Variants in KIAA1328 observed in about 807,000 individuals in gnomAD.
KIAA1328 encodes KIAA1328.
In KIAA1328, 52 loss-of-function variants were observed where a neutral mutation model predicts 68.1. The observed-to-expected ratio is 0.76, with a 90% confidence interval of 0.61 to 0.96. The LOEUF (loss-of-function observed/expected upper bound fraction) is 0.96, where lower values mean the gene tolerates loss of function less well. KIAA1328 is among the 40% of genes least tolerant of loss of function. KIAA1328 has a pLI of 0.00. For missense variants in KIAA1328, 641 were observed against 677.6 expected (o/e 0.95, Z 0.60); for synonymous variants, 232 against 239.4 (o/e 0.97, Z 0.28).
rs562524219 is a variant in KIAA1328, at chr18:36,845,414, G to A, written c.332+1112G>A. ...AGGAGTTATTAAATATGTTTTGATG[G>A]TATTGAAAAGCTATTGCTATTTGTT... On this transcript the variant is annotated intron_variant, in intron 4 of 9. Coordinates refer to ENST00000280020, the MANE Select transcript of KIAA1328 (RefSeq NM_020776.3). 2.0e-5 allele frequency among the ~76,000 whole-genome samples: 3 copies of A among 151,714 alleles called. No homozygotes were observed. The East Asian group carries it at 5.8e-4, about 29-fold the overall frequency.
chr18:37,066,184 T>C (rs1214309660), intron 6 of KIAA1328, among the ~76,000 whole-genome samples: 1 of 152,252 alleles, frequency 6.6e-6, no homozygotes, highest in Non-Finnish European at 1.5e-5. Context: ...ACAGCTAAAA[T>C]GTTGGAAAAT....
intron 7 of KIAA1328, among the ~76,000 whole-genome samples, chr18:37,093,571 A>C (rs866485352): frequency 1.3e-5 from 2 of 152,176 alleles, no homozygotes; most frequent in African/African-American, 2.4e-5. Context: ...CTGAACTTGA[A>C]AACTGTCATT....
At chr18:37,038,004 G>A (rs2055095583) in intron 6 of KIAA1328, among the ~76,000 whole-genome samples, 1 of 152,166 alleles carries the variant, frequency 6.6e-6, no homozygotes, top group African/African-American at 2.4e-5. Context: ...GGGAGGCTGA[G>A]GCAGCAGAAT....
intron 4 of KIAA1328, among the ~76,000 whole-genome samples, chr18:36,850,826 TG>T (rs1466642249): frequency 6.6e-6 from 1 of 152,224 alleles, no homozygotes. Context: ...CTTGCCTTAG[TG>T]CTCTGCCTAG....
chr18:36,969,768 TC>T (rs2151312595), intron 6 of KIAA1328, among the ~76,000 whole-genome samples: 1 of 152,258 alleles, frequency 6.6e-6, no homozygotes, highest in Non-Finnish European at 1.5e-5. Context: ...TAAGGACTCC[TC>T]CCTAACTCTT....
At chr18:37,129,673 A>G (rs1363698588) in intron 7 of KIAA1328, among the ~76,000 whole-genome samples, 4 of 152,170 alleles carry the variant, frequency 2.6e-5, no homozygotes, top group African/African-American at 9.7e-5. Context: ...AGCCACCCTA[A>G]TTTCTTCAAT....
intron 7 of KIAA1328, among the ~76,000 whole-genome samples, chr18:37,148,998 C>G (rs1009796268): frequency 3.3e-5 from 5 of 152,098 alleles, no homozygotes; most frequent in Non-Finnish European, 5.9e-5. Context: ...AATGGTCATA[C>G]TACCCAAAGT....
intron 9 of KIAA1328, among the ~76,000 whole-genome samples, chr18:37,203,837 TCTCG>T (rs1248336660): frequency 1.3e-5 from 2 of 149,122 alleles, no homozygotes; most frequent in Non-Finnish European, 1.5e-5. Context: ...TGAGACGGAG[TCTCG>T]CTCTGTCGCC....
At chr18:37,136,519 C>T (rs543646817) in intron 7 of KIAA1328, among the ~76,000 whole-genome samples, 2 of 152,278 alleles carry the variant, frequency 1.3e-5, no homozygotes, top group African/African-American at 4.8e-5. Context: ...TAACAACTAA[C>T]TCAGAGTTCT....
At chr18:37,084,421 T>A in intron 7 of KIAA1328, 1 of 311,542 alleles carries the variant, frequency 3.2e-6, no homozygotes, top group Non-Finnish European at 5.8e-6. Flanking sequence ...TTCATAATCC[T>A]ACAACTTTGA....
intron 6 of KIAA1328, among the ~76,000 whole-genome samples, chr18:36,962,753 A>T (rs1402787896): frequency 1.3e-5 from 2 of 152,212 alleles, no homozygotes; most frequent in African/African-American, 4.8e-5. Flanking sequence ...AGAAATAAAG[A>T]TCTTCTTTTA....
chr18:37,095,047 T>C (rs937734508), intron 7 of KIAA1328, among the ~76,000 whole-genome samples: 1 of 151,758 alleles, frequency 6.6e-6, no homozygotes, highest in African/African-American at 2.4e-5. Context: ...CAATGGTAAA[T>C]ACATATACAT....
Position 37,222,056 on chromosome 18 carries a change from C to A in KIAA1328, c.1563C>A (p.Ser521Arg), listed in dbSNP as rs766690215. 6.2e-7 allele frequency: 1 copy of A among 1,613,548 alleles called. No individual in the cohort carries two copies. The highest frequency in any genetic ancestry group is 1.7e-5 in the Admixed American group (1 of 59,976). ...TGTTGGATTTGGTTCAGTCTCTGAGCCCAAACTCTGCGCCCAAACCTCAGC... is the reference window on the plus strand; with the variant it reads ...TGTTGGATTTGGTTCAGTCTCTGAGACCAAACTCTGCGCCCAAACCTCAGC... ...TSLLDLVQSL[S>R]PNSAPKPQRY... The change falls in exon 10 of 10, where the codon AGC becomes AGA. Residue 521 changes from serine to arginine, a missense_variant. Coordinates refer to ENST00000280020, the MANE Select transcript of KIAA1328 (RefSeq NM_020776.3).
intron 7 of KIAA1328, among the ~76,000 whole-genome samples, chr18:37,128,415 A>G (rs1461158379): frequency 2.0e-5 from 3 of 152,226 alleles, no homozygotes; most frequent in South Asian, 2.1e-4. Flanking sequence ...GTAGGTTGCA[A>G]TGAGCCGAGA....
At chr18:36,963,152 C>T (rs1298852261) in intron 6 of KIAA1328, among the ~76,000 whole-genome samples, 2 of 152,144 alleles carry the variant, frequency 1.3e-5, no homozygotes, top group African/African-American at 2.4e-5. Context: ...TAAAAAGAGG[C>T]AGAGGAAGGT....
intron 4 of KIAA1328, among the ~76,000 whole-genome samples, chr18:36,855,048 T>A (rs2047338319): frequency 6.6e-6 from 1 of 152,230 alleles, no homozygotes; most frequent in Admixed American, 6.5e-5. Context: ...ATTGATTTAT[T>A]CATCTGTTAA....
At chr18:37,060,255 T>C (rs1457140613) in intron 6 of KIAA1328, among the ~76,000 whole-genome samples, 1 of 152,140 alleles carries the variant, frequency 6.6e-6, no homozygotes, top group Non-Finnish European at 1.5e-5. Context: ...AGAGAAATAA[T>C]TTGTACAAAG....
chr18:36,929,399 T>C (rs1256224104), intron 5 of KIAA1328, among the ~76,000 whole-genome samples: 1 of 151,300 alleles, frequency 6.6e-6, no homozygotes, highest in Non-Finnish European at 1.5e-5. Flanking sequence ...TTCTAGTCAA[T>C]AGTTGAAGTG....
chr18:37,101,287 G>A (rs1229946944), intron 7 of KIAA1328, among the ~76,000 whole-genome samples: 1 of 152,084 alleles, frequency 6.6e-6, no homozygotes, highest in Non-Finnish European at 1.5e-5. Context: ...TAGACAAATG[G>A]CTAACTAGAA....
Sources: gnomAD v4.1 joint callset for allele counts (sites outside exome capture counted in the v4.1 genomes callset) on GRCh38, gnomAD v4.1.1 for gene constraint, MANE v1.5 for transcripts, NCBI Gene and HGNC (gene_info 2026-07-23, HGNC 2026-07-21) for gene names.